MYO3A: variants seen among roughly 807,000 people sequenced by gnomAD.
The protein encoded by MYO3A is myosin-IIIa.
MYO3A carries 180 observed loss-of-function variants against 192.7 expected under a neutral mutation model. The observed-to-expected ratio is 0.93, with a 90% CI of 0.83 to 1.06. MYO3A has a LOEUF of 1.06. MYO3A is among the 50% of genes least tolerant of loss of function. The pLI is 0.00. For missense variants in MYO3A, 1,896 were observed against 1,905.0 expected (o/e 1.00, Z 0.09); for synonymous variants, 628 against 645.3 (o/e 0.97, Z 0.41).
chr10:26,127,890 TTATA>T, intron 19 of MYO3A, among the ~76,000 whole-genome samples: 1 of 151,984 alleles, frequency 6.6e-6, no homozygotes, highest in East Asian at 1.9e-4. Context: ...TATTAAAAAA[TTATA>T]AGCAAATGAT....
intron 7 of MYO3A, among the ~76,000 whole-genome samples, chr10:26,018,797 T>TGA (rs753707930): frequency 3.9e-4 from 59 of 152,314 alleles, no homozygotes; most frequent in Non-Finnish European, 7.9e-4. Context: ...CACCTGAGCC[T>TGA]ATATGGGTAG....
At chr10:26,025,217 A>C (rs1360465258) in intron 9 of MYO3A, among the ~76,000 whole-genome samples, 1 of 152,082 alleles carries the variant, frequency 6.6e-6, no homozygotes, top group East Asian at 1.9e-4. Context: ...CATTCCGGGG[A>C]AATATATTTT....
chr10:26,070,167 A>T lies in MYO3A; in HGVS notation c.1227A>T (p.Ala409=). The change falls in exon 13 of 35, where the codon GCA becomes GCT. Residue 409 remains alanine (A), a synonymous_variant. Coordinates refer to ENST00000642920, the MANE Select transcript of MYO3A (RefSeq NM_017433.5). ...KRTASPPHIF[A]MADLGYQSMI... is the part of the protein sequence containing the mutation. ...CTGCCAGTCCTCCTCACATTTTTGC[A>T]ATGGCTGACTTAGGATATCAATCTA... 6.2e-7 allele frequency: 1 copy of T among 1,612,644 alleles called. No homozygotes were observed. The highest frequency in any genetic ancestry group is 8.5e-7 in the Non-Finnish European group (1 of 1,178,818).
chr10:25,991,697 G>C (rs1206088038), intron 4 of MYO3A, among the ~76,000 whole-genome samples: 1 of 152,168 alleles, frequency 6.6e-6, no homozygotes, highest in East Asian at 1.9e-4. Flanking sequence ...TGTATAAGGT[G>C]TAAGGAAGGG....
intron 2 of MYO3A, among the ~76,000 whole-genome samples, chr10:25,938,982 G>T (rs1236245651): frequency 6.6e-6 from 1 of 152,054 alleles, no homozygotes; most frequent in Non-Finnish European, 1.5e-5. Context: ...TGGAGAGAAT[G>T]ATTTTTTTGT....
Position 25,960,519 on chromosome 10 carries a change from A to G in MYO3A, c.303+5511A>G, listed in dbSNP as rs934453053. Among the ~76,000 whole-genome samples the G allele has an allele frequency of 4.8e-5, 7 of 146,830 alleles. No homozygotes were observed. The South Asian group carries it at 6.2e-4, about 13-fold the overall frequency. On this transcript the variant is annotated intron_variant, in intron 4 of 34. Transcript: ENST00000642920. The stretch of plus-strand genomic sequence containing the variant: ...CAGAAGCCTTACTGATAACATAAAC[A>G]GTCAATTAATGCATATTTTTATGTC...
intron 4 of MYO3A, among the ~76,000 whole-genome samples, chr10:25,970,338 A>G (rs1344438608): frequency 6.6e-6 from 1 of 152,026 alleles, no homozygotes. Context: ...CACACCTCAA[A>G]AACAAACTTT....
At chr10:26,032,631 A>G (rs1842853234) in intron 10 of MYO3A, among the ~76,000 whole-genome samples, 1 of 146,592 alleles carries the variant, frequency 6.8e-6, no homozygotes, top group South Asian at 2.2e-4. Flanking sequence ...ACAAAAAAAC[A>G]AAAAAAAAAC....
intron 10 of MYO3A, among the ~76,000 whole-genome samples, chr10:26,042,452 C>G (rs1287118704): frequency 2.0e-5 from 3 of 151,960 alleles, no homozygotes; most frequent in African/African-American, 7.2e-5. Context: ...ACATTTTTCC[C>G]TTTTGGGGGT....
intron 10 of MYO3A, among the ~76,000 whole-genome samples, chr10:26,062,530 A>AAAAAACAAAAAAACCAAAAAAAAACG (rs1554816581): frequency 7.9e-6 from 1 of 125,946 alleles, no homozygotes; most frequent in Non-Finnish European, 1.7e-5. Context: ...AAAAAAAAAA[A>AAAAAACAAAAAAACCAAAAAAAAACG]AAATTATGGA....
chr10:26,010,019 A>G (rs1032821538), intron 6 of MYO3A, among the ~76,000 whole-genome samples: 2 of 152,220 alleles, frequency 1.3e-5, no homozygotes, highest in Admixed American at 6.5e-5. Context: ...ATATGTACAC[A>G]TGTACATAGT....
At chr10:25,991,647 G>T (rs1216923520) in intron 4 of MYO3A, among the ~76,000 whole-genome samples, 1 of 152,148 alleles carries the variant, frequency 6.6e-6, no homozygotes, top group Admixed American at 6.5e-5. Flanking sequence ...ATAGTTTTAG[G>T]TCTAACATTT....
At chr10:26,080,533 TG>T (rs1370322744) in intron 14 of MYO3A, among the ~76,000 whole-genome samples, 1 of 141,354 alleles carries the variant, frequency 7.1e-6, no homozygotes, top group African/African-American at 2.6e-5. Context: ...CAGGTAAATC[TG>T]GGTTTTTTTT....
At chr10:25,978,631 A>G (rs1018217909) in intron 4 of MYO3A, among the ~76,000 whole-genome samples, 2 of 152,186 alleles carry the variant, frequency 1.3e-5, no homozygotes, top group African/African-American at 4.8e-5. Flanking sequence ...ATTGTACTTT[A>G]TTATTTCTAT....
chr10:25,939,831 A>G (rs532539973), intron 2 of MYO3A, among the ~76,000 whole-genome samples: 1 of 152,004 alleles, frequency 6.6e-6, no homozygotes, highest in South Asian at 2.1e-4. Flanking sequence ...AAGGTATGTT[A>G]AAATCTCCCA....
intron 14 of MYO3A, among the ~76,000 whole-genome samples, chr10:26,073,429 C>T (rs927783531): frequency 1.3e-5 from 2 of 151,830 alleles, no homozygotes; most frequent in Non-Finnish European, 1.5e-5. Flanking sequence ...ATTAGCCAGG[C>T]GTGGTGGCAG....
chr10:25,950,600 G>A (rs2153343), intron 2 of MYO3A, among the ~76,000 whole-genome samples: 6,520 of 152,176 alleles, frequency 0.043, 177 homozygotes, highest in Middle Eastern at 0.068. Context: ...TTTAACCAGA[G>A]TTGTTTTCAC....
In MYO3A at chr10:26,183,367, C is replaced by CA. The variant is rs1385417182; in HGVS notation, c.4438+6528dup. On this transcript the variant is annotated intron_variant, in intron 31 of 34. Coordinates refer to ENST00000642920, the MANE Select transcript of MYO3A (RefSeq NM_017433.5). ...GTGAAACCCGTCTCTACTAAAAATA[C>CA]AAAAAATTAGCCGGGCTTGGTGGCG... Among the ~76,000 whole-genome samples the CA allele has an allele frequency of 4.6e-5, 7 of 152,070 alleles. No homozygotes were observed. The East Asian group carries it at 1.4e-3, about 30-fold the overall frequency.
intron 4 of MYO3A, among the ~76,000 whole-genome samples, chr10:25,993,198 G>A (rs957058429): frequency 2.0e-5 from 3 of 152,142 alleles, no homozygotes; most frequent in African/African-American, 7.2e-5. Context: ...CCTGTTATTG[G>A]TCTATTCAGA....
Sources: gnomAD v4.1 joint callset for allele counts (sites outside exome capture counted in the v4.1 genomes callset) on GRCh38, gnomAD v4.1.1 for gene constraint, MANE v1.5 for transcripts, NCBI Gene and HGNC (gene_info 2026-07-23, HGNC 2026-07-21) for gene names.